Variants in MAF observed in about 807,000 individuals in gnomAD.
The protein encoded by MAF is MAF bZIP transcription factor, also known as transcription factor Maf.
A neutral mutation model predicts 22.0 loss-of-function variants in MAF; 10 were observed. The ratio of observed to expected loss-of-function variants is 0.45; its 90% CI spans 0.28 to 0.77. The LOEUF (loss-of-function observed/expected upper bound fraction) is 0.77, where lower values mean the gene tolerates loss of function less well. Ranked by LOEUF, MAF falls within the 30% of genes least tolerant of loss-of-function variation. MAF has a pLI of 0.12. For missense variants in MAF, 544 were observed against 548.4 expected, an observed-to-expected ratio of 0.99 and a Z score of 0.08; for synonymous variants, 337 against 255.8, an observed-to-expected ratio of 1.32 and a Z score of -3.03.
At chr16:79,548,707 G>C in the MAF span, among the ~76,000 whole-genome samples, 1 of 152,058 alleles carries the variant, frequency 6.6e-6, no homozygotes, top group East Asian at 1.9e-4. Context: ...TCCCCAGGGA[G>C]GCAGTGCCCA....
At chr16:79,499,971 C>G in the MAF span, among the ~76,000 whole-genome samples, 1 of 152,052 alleles carries the variant, frequency 6.6e-6, no homozygotes, top group Non-Finnish European at 1.5e-5. Flanking sequence ...AAGAAAGAGG[C>G]AGAGGGAGTT....
chr16:79,392,367 C>T, the MAF span, among the ~76,000 whole-genome samples: 1 of 135,612 alleles, frequency 7.4e-6, no homozygotes, highest in South Asian at 2.3e-4. Context: ...AAGGGAGAGA[C>T]AGGGAGAAGG....
At chr16:79,240,140 C>T in the MAF span, among the ~76,000 whole-genome samples, 19 of 151,224 alleles carry the variant, frequency 1.3e-4, no homozygotes, top group Non-Finnish European at 2.2e-4. Flanking sequence ...GGTCCCATGG[C>T]GGGGGGTGTA....
At chr16:79,438,842 T>C in the MAF span, among the ~76,000 whole-genome samples, 131 of 152,238 alleles carry the variant, frequency 8.6e-4, no homozygotes, top group African/African-American at 2.9e-3. Flanking sequence ...CAAGCACGTA[T>C]TCCATGTGTG....
the MAF span, among the ~76,000 whole-genome samples, chr16:79,341,884 G>A: frequency 6.6e-6 from 1 of 152,174 alleles, no homozygotes; most frequent in Admixed American, 6.5e-5. Flanking sequence ...ATTGGATGTG[G>A]CAGAATGAAC....
chr16:79,587,852 A>G (rs1057503614), intron 1 of MAF, among the ~76,000 whole-genome samples: 3 of 130,750 alleles, frequency 2.3e-5, no homozygotes, highest in Non-Finnish European at 4.9e-5. Flanking sequence ...CCTGTTATCA[A>G]AGCATTTACT....
the MAF span, among the ~76,000 whole-genome samples, chr16:79,366,443 T>C: frequency 1.3e-5 from 2 of 152,236 alleles, no homozygotes; most frequent in Non-Finnish European, 2.9e-5. Context: ...TAAGTCTTAG[T>C]TTCATTAGTA....
chr16:79,318,540 G>A, the MAF span, among the ~76,000 whole-genome samples: 2 of 152,168 alleles, frequency 1.3e-5, no homozygotes, highest in Non-Finnish European at 2.9e-5. Context: ...AAGCGTTCCC[G>A]AAACTACATT....
the MAF span, among the ~76,000 whole-genome samples, chr16:79,362,101 T>G: frequency 1.3e-5 from 2 of 152,226 alleles, no homozygotes; most frequent in Non-Finnish European, 2.9e-5. Context: ...TGTGATATCA[T>G]GCCTCAGTTT....
chr16:79,565,081 C>G, the MAF span, among the ~76,000 whole-genome samples: 939 of 152,230 alleles, frequency 6.2e-3, 7 homozygotes, highest in African/African-American at 0.021. Context: ...GGGCACCTAC[C>G]CTTGGACTTC....
the MAF span, among the ~76,000 whole-genome samples, chr16:79,266,676 A>T: frequency 6.6e-6 from 1 of 152,156 alleles, no homozygotes; most frequent in African/African-American, 2.4e-5. Flanking sequence ...TTGAGACATG[A>T]GGGAGAGTAG....
At chr16:79,559,734 G>A in the MAF span, among the ~76,000 whole-genome samples, 2 of 152,122 alleles carry the variant, frequency 1.3e-5, no homozygotes, top group Non-Finnish European at 2.9e-5. Context: ...AAATGCTGAT[G>A]ATGCTATATT....
At chr16:79,381,358 C>T in the MAF span, among the ~76,000 whole-genome samples, 1 of 152,134 alleles carries the variant, frequency 6.6e-6, no homozygotes, top group Non-Finnish European at 1.5e-5. Context: ...AAAACAGATC[C>T]ATACTCTGAA....
the MAF span, among the ~76,000 whole-genome samples, chr16:79,392,906 C>T: frequency 2.0e-5 from 3 of 152,220 alleles, no homozygotes; most frequent in African/African-American, 7.2e-5. Flanking sequence ...CTGCTTCCCC[C>T]TACAGCTGAG....
the MAF span, among the ~76,000 whole-genome samples, chr16:79,538,959 T>C: frequency 6.7e-6 from 1 of 149,348 alleles, no homozygotes; most frequent in Non-Finnish European, 1.5e-5. Context: ...CAAGATGAGG[T>C]AGAAAAGGAA....
chr16:79,305,857 G>C, the MAF span, among the ~76,000 whole-genome samples: 5 of 152,300 alleles, frequency 3.3e-5, no homozygotes, highest in East Asian at 5.8e-4. Flanking sequence ...CATTTCTGTA[G>C]CTGCAGGCTT....
chr16:79,577,188 A>T, the MAF span, among the ~76,000 whole-genome samples: 1 of 152,116 alleles, frequency 6.6e-6, no homozygotes, highest in Non-Finnish European at 1.5e-5. Context: ...TGGCAGCCAC[A>T]GCTCCAGCCT....
chr16:79,410,249 C>T, the MAF span, among the ~76,000 whole-genome samples: 3 of 152,220 alleles, frequency 2.0e-5, no homozygotes, highest in African/African-American at 4.8e-5. Context: ...CACATGGCTG[C>T]GCTGGAATCT....
chr16:79,209,563 G>C, the MAF span, among the ~76,000 whole-genome samples: 3 of 152,160 alleles, frequency 2.0e-5, no homozygotes. Flanking sequence ...CCCACCACTC[G>C]GGAGTTAATG....
Sources: gnomAD v4.1 joint callset for allele counts (sites outside exome capture counted in the v4.1 genomes callset) on GRCh38, gnomAD v4.1.1 for gene constraint, MANE v1.5 for transcripts, NCBI Gene and HGNC (gene_info 2026-07-23, HGNC 2026-07-21) for gene names.